Variants in TBL1XR1 observed in about 807,000 individuals in gnomAD.
TBL1XR1 encodes the protein TBL1X/Y related 1.
A neutral mutation model predicts 66.9 loss-of-function variants in TBL1XR1; 5 were observed. The observed-to-expected ratio is 0.07, with a 90% CI of 0.04 to 0.16. The LOEUF (loss-of-function observed/expected upper bound fraction) is 0.16. Ranked by LOEUF, TBL1XR1 falls within the 10% of genes least tolerant of loss-of-function variation. The probability of loss-of-function intolerance (pLI) is 1.00; values close to 1 mark genes in which losing one functional copy is unlikely to be tolerated. For missense variants in TBL1XR1, 238 were observed against 623.2 expected, an observed-to-expected ratio of 0.38 and a Z score of 6.58; for synonymous variants, 210 against 206.0, an observed-to-expected ratio of 1.02 and a Z score of -0.17.
chr3:177,038,328 T>C lies in TBL1XR1; in HGVS notation c.1032A>G (p.Thr344=). ...GGTTTCTTACCGTATGTCCTTGGAA[T>C]GTTTTAATAGGTCTGTCTTGTCCTA... ...CKLGQDRPIK[T]FQGHTNEVNA... Residue 344 remains threonine (T), a synonymous_variant, in exon 11 of 16, where the codon ACA becomes ACG. Coordinates refer to ENST00000457928, the MANE Select transcript of TBL1XR1 (RefSeq NM_024665.7). 1 of 1,596,532 alleles carries C rather than the reference T, an allele frequency of 6.3e-7. No individual in the cohort carries two copies. The highest frequency in any genetic ancestry group is 8.5e-7 in the Non-Finnish European group (1 of 1,170,314).
At chr3:177,163,391 C>A (rs1347822436) in intron 1 of TBL1XR1, among the ~76,000 whole-genome samples, 2 of 151,972 alleles carry the variant, frequency 1.3e-5, no homozygotes, top group Non-Finnish European at 1.5e-5. Context: ...CACCTGTAAT[C>A]CCAGCTACTC....
intron 10 of TBL1XR1, among the ~76,000 whole-genome samples, chr3:177,039,373 A>T (rs898458542): frequency 6.6e-6 from 1 of 152,176 alleles, no homozygotes; most frequent in African/African-American, 2.4e-5. Flanking sequence ...GTTATGCTGA[A>T]TAAGTATCAT....
At chr3:177,193,500 G>A (rs1008363552) in intron 1 of TBL1XR1, among the ~76,000 whole-genome samples, 8 of 152,012 alleles carry the variant, frequency 5.3e-5, no homozygotes, top group African/African-American at 9.7e-5. Flanking sequence ...TAGTAGAGAC[G>A]GGGATTCACC....
At chr3:177,026,560 T>C in intron 14 of TBL1XR1, 86 bp from the exon 15 acceptor site, 1 of 975,066 alleles carries the variant, frequency 1.0e-6, no homozygotes, top group Non-Finnish European at 1.5e-6. Context: ...TACATAGCTT[T>C]ATTTCTAGCA....
At chr3:177,117,278 G>A (rs184711754) in intron 1 of TBL1XR1, among the ~76,000 whole-genome samples, 9 of 152,238 alleles carry the variant, frequency 5.9e-5, no homozygotes, top group African/African-American at 1.9e-4. Context: ...TAGTAGCTGC[G>A]AAGCAATGAA....
In TBL1XR1 at chr3:177,119,028, GT is replaced by G. The variant is rs571899257; in HGVS notation, c.-121-20488del. Among the ~76,000 whole-genome samples, 308 of 152,288 alleles carry G rather than the reference GT, an allele frequency of 2.0e-3. 1 individual carries two copies. The highest frequency in any genetic ancestry group is 4.9e-3 in the Admixed American group (75 of 15,304). The stretch of plus-strand genomic sequence containing the variant: ...CTCTTGTACCCCAGGCTGGAGTGCA[GT>G]GGCATGATCTCGGTTCACTGTAACC... On this transcript the variant is annotated intron_variant, in intron 1 of 15. Coordinates refer to ENST00000457928, the MANE Select transcript of TBL1XR1 (RefSeq NM_024665.7).
At chr3:177,034,824 G>C (rs1714538551) in intron 12 of TBL1XR1, among the ~76,000 whole-genome samples, 1 of 151,382 alleles carries the variant, frequency 6.6e-6, no homozygotes, top group South Asian at 2.1e-4. Flanking sequence ...GTAGAAAAAA[G>C]TAGTCAAAGT....
At chr3:177,194,030 T>G (rs1249790740) in intron 1 of TBL1XR1, 2 of 152,216 alleles carry the variant, frequency 1.3e-5, no homozygotes, top group Non-Finnish European at 1.5e-5. Flanking sequence ...CTCCTCTGGC[T>G]CTATGGTTAC....
intron 10 of TBL1XR1, among the ~76,000 whole-genome samples, chr3:177,040,000 AT>A (rs1272174611): frequency 2.0e-5 from 3 of 152,170 alleles, no homozygotes; most frequent in African/African-American, 7.2e-5. Flanking sequence ...GTCAACCCTA[AT>A]TTAAAGAAAA....
upstream of TBL1XR1, among the ~76,000 whole-genome samples, chr3:177,200,267 C>T (rs112560611): frequency 0.056 from 8,476 of 152,232 alleles, 670 homozygotes; most frequent in African/African-American, 0.18. Flanking sequence ...CCACTGTGCC[C>T]GGCAGCCTGG....
chr3:177,082,853 T>C (rs1375211630), intron 2 of TBL1XR1, among the ~76,000 whole-genome samples: 1 of 148,182 alleles, frequency 6.7e-6, no homozygotes, highest in Non-Finnish European at 1.5e-5. Flanking sequence ...CCTCCCAGGT[T>C]CACGCCATTC....
chr3:177,162,116 T>C (rs902045668), intron 1 of TBL1XR1, among the ~76,000 whole-genome samples: 4 of 152,340 alleles, frequency 2.6e-5, no homozygotes, highest in Middle Eastern at 3.4e-3. Context: ...ACCAAAAAGA[T>C]GTTAAGTGCT....
At chr3:177,062,325 C>A (rs779834471) in intron 3 of TBL1XR1, among the ~76,000 whole-genome samples, 16 of 152,302 alleles carry the variant, frequency 1.1e-4, no homozygotes, top group Non-Finnish European at 1.6e-4. Context: ...TTGTCAAGTT[C>A]TAATTGTCCT....
rs143739238 is a variant in TBL1XR1, at chr3:177,147,653, T to C, written c.-121-49112A>G. ...AGAAATAGTCTTTATCTGGCCCATT[T>C]TTCTTGGGGCTGAGGAAAATTAGCA... On this transcript the variant is annotated intron_variant, in intron 1 of 15. Transcript: ENST00000457928. Among the ~76,000 whole-genome samples, 286 of 152,308 alleles carry C rather than the reference T, an allele frequency of 1.9e-3. 2 individuals carry two copies. Among genetic ancestry groups the C allele is most frequent in the African/African-American group, 6.3e-3 (262 of 41,586 alleles).
At chr3:177,124,737 TAATTGAC>T (rs906480363) in intron 1 of TBL1XR1, among the ~76,000 whole-genome samples, 1 of 152,142 alleles carries the variant, frequency 6.6e-6, no homozygotes, top group Non-Finnish European at 1.5e-5. Flanking sequence ...TTTATTCTCT[TAATTGAC>T]AATGCAATGA....
At chr3:177,026,686 C>T (rs540286564) in intron 14 of TBL1XR1, 1 of 463,370 alleles carries the variant, frequency 2.2e-6, no homozygotes, top group Admixed American at 4.2e-5. Flanking sequence ...TACTCACACA[C>T]ATATTCAGTT....
chr3:177,199,595 A>G (rs957432549), upstream of TBL1XR1, among the ~76,000 whole-genome samples: 23 of 152,084 alleles, frequency 1.5e-4, no homozygotes, highest in African/African-American at 5.3e-4. Context: ...CTTCTCAACC[A>G]TACCATTCTT....
rs1212075336 is a variant in TBL1XR1 at position 177,021,803 on chromosome 3, G to C, written c.*3695C>G. ...ATTTCTGCGGAAACTGTCAACAGTA[G>C]TAATTCACCATATGCAAGTACCATC... On this transcript the variant is annotated 3_prime_UTR_variant, in exon 16 of 16. Coordinates refer to ENST00000457928, the MANE Select transcript of TBL1XR1 (RefSeq NM_024665.7). 1 of 152,620 alleles carries C rather than the reference G, an allele frequency of 6.6e-6. No homozygotes were observed. The highest frequency in any genetic ancestry group is 1.5e-5 in the Non-Finnish European group (1 of 68,004). The allele number at this position is 152,620 out of a possible 1,614,324, so 9.5% of individuals were successfully genotyped here.
chr3:177,078,599 AAAT>A (rs1720991482), intron 2 of TBL1XR1: 1 of 151,466 alleles, frequency 6.6e-6, no homozygotes, highest in Non-Finnish European at 1.5e-5. Context: ...AAAAAAAAAA[AAAT>A]AAAGTATAAT....
Sources: gnomAD v4.1 joint callset for allele counts (sites outside exome capture counted in the v4.1 genomes callset) on GRCh38, gnomAD v4.1.1 for gene constraint, MANE v1.5 for transcripts, NCBI Gene and HGNC (gene_info 2026-07-23, HGNC 2026-07-21) for gene names.